Variants in HS2ST1 observed in about 807,000 individuals in gnomAD.
The protein encoded by HS2ST1 is heparan sulfate 2-O-sulfotransferase 1.
HS2ST1 carries 18 observed loss-of-function variants against 42.9 expected under a neutral mutation model. The ratio of observed to expected loss-of-function variants is 0.42; its 90% CI spans 0.29 to 0.62. The LOEUF (loss-of-function observed/expected upper bound fraction) is 0.62, where lower values mean the gene tolerates loss of function less well. HS2ST1 is among the 20% of genes least tolerant of loss of function. The pLI is 0.21. For synonymous variants in HS2ST1, 146 were observed against 152.9 expected (o/e 0.95, Z 0.33); for missense variants, 334 against 433.8 (o/e 0.77, Z 2.04).
intron 1 of HS2ST1, among the ~76,000 whole-genome samples, chr1:86,936,763 A>G (rs953000805): frequency 1.3e-5 from 2 of 152,078 alleles, no homozygotes; most frequent in Non-Finnish European, 2.9e-5. Flanking sequence ...GATGAATTTC[A>G]TTCTACAGCA....
At chr1:86,996,442 C>CA (rs67401349) in intron 1 of HS2ST1, among the ~76,000 whole-genome samples, 165 of 112,842 alleles carry the variant, frequency 1.5e-3, no homozygotes, top group Middle Eastern at 4.6e-3. Context: ...AACTCTGTCT[C>CA]AAAAAAAAAA....
intron 1 of HS2ST1, among the ~76,000 whole-genome samples, chr1:86,986,051 T>TC (rs1648776019): frequency 6.6e-6 from 1 of 151,490 alleles, no homozygotes; most frequent in Non-Finnish European, 1.5e-5. Flanking sequence ...TTTTTTTTTT[T>TC]TTTTTAATCT....
At position 87,104,753 on chromosome 1, in the gene HS2ST1, G is replaced by A. The variant is rs1365964833; in HGVS notation, c.*57G>A. ...AAAATTTGACCCTGTCTTCACCTTT[G>A]TTCTCAGCTCCACAGTCTGGATTGC... On this transcript the variant is annotated 3_prime_UTR_variant, in exon 7 of 7. Transcript: ENST00000370550. The A allele has an allele frequency of 6.7e-6, 7 of 1,047,388 alleles. No individual in the cohort carries two copies. Among genetic ancestry groups the A allele is most frequent in the South Asian group, 6.6e-5 (5 of 75,728 alleles). 64.9% of individuals were successfully genotyped at this position (1,047,388 alleles called of 1,614,324 possible). A position where few individuals can be genotyped will look rare whatever the true frequency, so the allele number is the denominator to read the frequency against.
chr1:87,084,210 A>G lies in HS2ST1; in HGVS notation c.380A>G (p.Asn127Ser), dbSNP rs1651761013. The change falls in exon 3 of 7, where the codon AAT (asparagine) becomes AGT (serine). Residue 127 changes from asparagine to serine, a missense_variant. By Grantham distance (46) the Asn-to-Ser change is conservative. Coordinates refer to ENST00000370550, the MANE Select transcript of HS2ST1 (RefSeq NM_012262.4). ...CCTTTTTAGGTGCGCTTTGTAAAGA[A>G]TATAACTTCCTGGAAAGAGATGAAA... ...SLQDQVRFVKNITSWKEMKPG... is the reference protein window; with the variant it reads ...SLQDQVRFVKSITSWKEMKPG... The G allele has an allele frequency of 1.2e-6, 2 of 1,602,468 alleles. No individual in the cohort carries two copies. Among genetic ancestry groups the G allele is most frequent in the East Asian group, 4.5e-5 (2 of 44,570 alleles).
rs1310151673 is a variant in HS2ST1 at position 87,073,032 on chromosome 1, G to T, written c.223G>T (p.Val75Leu). 12 of 1,614,036 alleles carry T rather than the reference G, an allele frequency of 7.4e-6. No individual in the cohort carries two copies. The highest frequency in any genetic ancestry group is 9.3e-6 in the Non-Finnish European group (11 of 1,179,950). Residue 75 changes from valine to leucine, a missense_variant, in exon 2 of 7, where the codon GTG becomes TTG. Val to Leu is a conservative substitution (Grantham distance 32, BLOSUM62 1). Coordinates refer to ENST00000370550, the MANE Select transcript of HS2ST1 (RefSeq NM_012262.4). ...DATLDEEEDM[V>L]IIYNRVPKTA... ...CACTTTAGATGAGGAAGAGGACATG[G>T]TGATCATTTATAACAGAGTTCCCAA...
At position 87,073,085 on chromosome 1, in the gene HS2ST1, C is replaced by T. The variant is rs147976016; in HGVS notation, c.276C>T (p.Ile92=). Residue 92 remains isoleucine, a synonymous_variant, in exon 2 of 7, where the codon ATC becomes ATT. Transcript: ENST00000370550. ...CGGCAAGCACTTCATTTACCAATATCGCCTATGACCTGTGTGCAAAGAATA... is the reference window on the plus strand; with the variant it reads ...CGGCAAGCACTTCATTTACCAATATTGCCTATGACCTGTGTGCAAAGAATA... ...PKTASTSFTN[I]AYDLCAKNKY... is the part of the protein sequence containing the mutation. 92 of 1,613,872 alleles carry T rather than the reference C, an allele frequency of 5.7e-5. No homozygotes were observed. The highest frequency in any genetic ancestry group is 7.5e-5 in the Non-Finnish European group (89 of 1,179,880).
At position 86,915,029 on chromosome 1, in the gene HS2ST1, C is replaced by T. The variant is rs1490308415; in HGVS notation, c.-8C>T. 6 of 1,613,966 alleles carry T rather than the reference C, an allele frequency of 3.7e-6. No individual in the cohort carries two copies. Among genetic ancestry groups the T allele is most frequent in the Non-Finnish European group, 4.2e-6 (5 of 1,180,010 alleles). On this transcript the variant is annotated 5_prime_UTR_variant, in exon 1 of 7. Transcript: ENST00000370550. ...CGCGGTATGTCTTGATCCCGAGCAG[C>T]GGGTTTCATGGGGCTCCTCAGGATT... is the stretch of plus-strand genomic sequence containing the variant.
intron 1 of HS2ST1, among the ~76,000 whole-genome samples, chr1:87,036,013 C>A (rs996870838): frequency 4.0e-5 from 6 of 151,120 alleles, no homozygotes; most frequent in Non-Finnish European, 8.9e-5. Context: ...TGATGTTCCC[C>A]TCCCTGTGTC....
At chr1:87,057,350 T>C (rs1190749763) in intron 1 of HS2ST1, among the ~76,000 whole-genome samples, 1 of 152,168 alleles carries the variant, frequency 6.6e-6, no homozygotes, top group African/African-American at 2.4e-5. Flanking sequence ...TAGGATATGG[T>C]TCATATTCCT....
At chr1:87,013,107 A>G (rs574503157) in intron 1 of HS2ST1, among the ~76,000 whole-genome samples, 13 of 152,220 alleles carry the variant, frequency 8.5e-5, no homozygotes, top group African/African-American at 3.1e-4. Context: ...TCTGGAGTAC[A>G]GTGCCCCTCT....
At chr1:86,946,287 T>A (rs1282713193) in intron 1 of HS2ST1, among the ~76,000 whole-genome samples, 10 of 152,176 alleles carry the variant, frequency 6.6e-5, no homozygotes, top group African/African-American at 2.4e-4. Flanking sequence ...AATTTTAGAG[T>A]TGAAAGGATC....
chr1:86,947,959 C>G (rs2102182792), intron 1 of HS2ST1, among the ~76,000 whole-genome samples: 1 of 152,194 alleles, frequency 6.6e-6, no homozygotes, highest in South Asian at 2.1e-4. Flanking sequence ...GTGAGTACTT[C>G]ATGATACTGA....
intron 1 of HS2ST1, among the ~76,000 whole-genome samples, chr1:86,985,597 G>C (rs1361654647): frequency 1.4e-5 from 2 of 147,108 alleles, no homozygotes; most frequent in African/African-American, 2.5e-5. Context: ...TTTCAATCTT[G>C]GTATACATTT....
At chr1:87,092,344 T>G (rs1178884337) in intron 3 of HS2ST1, among the ~76,000 whole-genome samples, 187 bp from the exon 4 acceptor site, 1 of 151,392 alleles carries the variant, frequency 6.6e-6, no homozygotes, top group African/African-American at 2.4e-5. Flanking sequence ...CTTGTTTACT[T>G]TATTCTGACA....
intron 2 of HS2ST1, among the ~76,000 whole-genome samples, chr1:87,081,423 A>G (rs1000379663): frequency 6.6e-6 from 1 of 152,222 alleles, no homozygotes. Flanking sequence ...GAAATTAAAC[A>G]ACGTGCTCCT....
At chr1:87,000,583 A>G (rs1423689253) in intron 1 of HS2ST1, among the ~76,000 whole-genome samples, 1 of 152,202 alleles carries the variant, frequency 6.6e-6, no homozygotes, top group East Asian at 1.9e-4. Flanking sequence ...CCTGTTCCAA[A>G]AAAATGATCC....
chr1:87,109,022 T>A lies in HS2ST1; in HGVS notation c.*4326T>A, dbSNP rs150519770. ...GCCCTCCCCCACTCCATTCAGTTGA[T>A]TCATTTATGCAAATTCTGTTTCCAA... On this transcript the variant is annotated 3_prime_UTR_variant, in exon 7 of 7. Coordinates refer to ENST00000370550, the MANE Select transcript of HS2ST1 (RefSeq NM_012262.4). 1 of 152,486 alleles carries A rather than the reference T, an allele frequency of 6.6e-6. No homozygotes were observed. The highest frequency in any genetic ancestry group is 1.9e-4 in the East Asian group (1 of 5,200). 9.4% of individuals were successfully genotyped at this position (152,486 alleles called of 1,614,324 possible).
intron 1 of HS2ST1, among the ~76,000 whole-genome samples, chr1:86,955,513 G>T (rs1456300008): frequency 1.3e-5 from 2 of 151,938 alleles, no homozygotes; most frequent in African/African-American, 4.8e-5. Flanking sequence ...TTGCCAAAAA[G>T]GTTTTTACAG....
intron 1 of HS2ST1, among the ~76,000 whole-genome samples, chr1:86,952,995 C>G (rs903151349): frequency 6.9e-6 from 1 of 145,642 alleles, no homozygotes. Context: ...TCTTCCAGTA[C>G]AATGCTGTTT....
Sources: allele counts gnomAD v4.1 joint callset (sites outside exome capture counted in the v4.1 genomes callset), GRCh38; gene constraint gnomAD v4.1.1; transcripts MANE v1.5; gene names NCBI Gene and HGNC (gene_info 2026-07-23, HGNC 2026-07-21).